The following KIF20B variants were observed in gnomAD, a reference collection of about 807,000 sequenced individuals.
KIF20B encodes kinesin family member 20B.
Under a neutral mutation model 232.5 loss-of-function variants are expected in KIF20B, and 188 were observed. That is an observed-to-expected ratio of 0.81 (90% CI 0.72 to 0.91). The LOEUF (loss-of-function observed/expected upper bound fraction) is 0.91, where lower values mean the gene tolerates loss of function less well. Ranked by LOEUF, KIF20B falls within the 40% of genes least tolerant of loss-of-function variation. The pLI, the probability that KIF20B is intolerant of heterozygous loss-of-function variation, is 0.00. For synonymous variants in KIF20B, 712 were observed against 683.0 expected (o/e 1.04, Z -0.66); for missense variants, 2,154 against 2,055.9 (o/e 1.05, Z -0.92).
At chr10:89,721,509 A>G (rs536311823) in intron 13 of KIF20B, among the ~76,000 whole-genome samples, 1 of 152,170 alleles carries the variant, frequency 6.6e-6, no homozygotes, top group Admixed American at 6.5e-5. Flanking sequence ...CCATCTCTAC[A>G]AAAAAGTAAA....
In KIF20B at chr10:89,716,843, G is replaced by A. The variant is rs189951244; in HGVS notation, c.1052+296G>A. Reference sequence around the variant, plus strand: ...GGTAATAATGGTGGCCTTTTCTCTGGGTCTTTCTCACTTATCCCCTGAATA... The same window carrying A: ...GGTAATAATGGTGGCCTTTTCTCTGAGTCTTTCTCACTTATCCCCTGAATA... On this transcript the variant is annotated intron_variant, in intron 9 of 32. Transcript: ENST00000371728. Among the ~76,000 whole-genome samples, 483 of 152,068 alleles carry A rather than the reference G, an allele frequency of 3.2e-3. 4 individuals carry two copies. Among genetic ancestry groups the A allele is most frequent in the African/African-American group, 0.011 (450 of 41,482 alleles).
chr10:89,711,210 G>T, intron 6 of KIF20B, 65 bp downstream of exon 6: 2 of 990,540 alleles, frequency 2.0e-6, no homozygotes, highest in East Asian at 5.4e-5. Context: ...CCTTTAGATT[G>T]TTTCACCATA....
At chr10:89,713,321 A>G (rs574108788) in intron 6 of KIF20B, among the ~76,000 whole-genome samples, 3 of 150,592 alleles carry the variant, frequency 2.0e-5, no homozygotes, top group Non-Finnish European at 4.4e-5. Context: ...AGATTGCGCC[A>G]CTACATTCCA....
Position 89,709,247 on chromosome 10 carries a change from G to C in KIF20B, c.228G>C (p.Glu76Asp). The C allele has an allele frequency of 6.2e-7, 1 of 1,607,092 alleles. No individual in the cohort carries two copies. The highest frequency in any genetic ancestry group is 8.5e-7 in the Non-Finnish European group (1 of 1,175,452). ...RPFTQSEKEL[E>D]SEGCVHILDS... ...TTACACAGTCAGAAAAAGAACTTGA[G>C]TCTGAGGTTTGTGTTGAATTTAATA... The change falls in exon 3 of 33, where the codon GAG becomes GAC. Residue 76 changes from glutamate (E) to aspartate (D), a missense_variant. Transcript: ENST00000371728.
intron 27 of KIF20B, 106 bp from the exon 28 acceptor site, chr10:89,760,420 T>C (rs540330262): frequency 1.5e-6 from 1 of 680,410 alleles, no homozygotes; most frequent in Non-Finnish European, 2.5e-6. Context: ...GTAATTTCCA[T>C]TGTTTAGTTT....
At chr10:89,712,916 A>G (rs991067197) in intron 6 of KIF20B, among the ~76,000 whole-genome samples, 1 of 152,150 alleles carries the variant, frequency 6.6e-6, no homozygotes, top group African/African-American at 2.4e-5. Flanking sequence ...CCAGGGTTTT[A>G]AGGCAGTAAA....
chr10:89,730,664 G>C (rs962941041), intron 18 of KIF20B, among the ~76,000 whole-genome samples: 2 of 152,164 alleles, frequency 1.3e-5, no homozygotes, highest in Non-Finnish European at 2.9e-5. Flanking sequence ...ATCTTTCAGT[G>C]AGTGCAGGAA....
At chr10:89,712,069 T>C (rs1842845655) in intron 6 of KIF20B, among the ~76,000 whole-genome samples, 1 of 152,058 alleles carries the variant, frequency 6.6e-6, no homozygotes, top group African/African-American at 2.4e-5. Context: ...TAGAATTTTT[T>C]CCTGTGAATT....
At chr10:89,745,774 C>T (rs1300857588) in intron 22 of KIF20B, 125 bp from the exon 23 acceptor site, 2 of 641,064 alleles carry the variant, frequency 3.1e-6, no homozygotes, top group East Asian at 2.8e-5. Flanking sequence ...CTGGTACCAG[C>T]TGGTATACCA....
At chr10:89,765,786 T>C (rs933020905) in intron 29 of KIF20B, among the ~76,000 whole-genome samples, 1 of 152,114 alleles carries the variant, frequency 6.6e-6, no homozygotes, top group African/African-American at 2.4e-5. Context: ...GATATGAAAT[T>C]TTGGGTTGAA....
At position 89,750,895 on chromosome 10, in the gene KIF20B, A is replaced by G. The variant is rs1052837642; in HGVS notation, c.4097-451A>G. On this transcript the variant is annotated intron_variant, in intron 23 of 32. Coordinates refer to ENST00000371728, the MANE Select transcript of KIF20B (RefSeq NM_001284259.2). ...GTAACTACTTGATGTTAAAAAAAAT[A>G]GTTCAAATTGGGATTGAGCTTTTTT... Among the ~76,000 whole-genome samples the G allele has an allele frequency of 2.0e-5, 3 of 152,290 alleles. No homozygotes were observed. The East Asian group carries it at 5.8e-4, about 29-fold the overall frequency.
At chr10:89,747,819 T>C (rs1351050355) in intron 23 of KIF20B, among the ~76,000 whole-genome samples, 3 of 152,084 alleles carry the variant, frequency 2.0e-5, no homozygotes, top group Non-Finnish European at 2.9e-5. Context: ...CGCACCAGCA[T>C]GTCACATGTA....
chr10:89,757,040 G>GTGTGTGTGTGTGTGTGTA (rs1301847520), intron 26 of KIF20B, among the ~76,000 whole-genome samples: 2 of 110,746 alleles, frequency 1.8e-5, no homozygotes, highest in African/African-American at 6.7e-5. Context: ...GTGTGTGTGT[G>GTGTGTGTGTGTGTGTGTA]TATATATATA....
At chr10:89,710,088 T>A (rs1441629007) in intron 5 of KIF20B, 23 bp downstream of exon 5, 2 of 1,588,920 alleles carry the variant, frequency 1.3e-6, no homozygotes, top group Non-Finnish European at 1.7e-6. Context: ...TTATTTTGGT[T>A]GGAAAGGATA....
Position 89,723,946 on chromosome 10 carries a change from A to G in KIF20B, c.1723-18A>G, listed in dbSNP as rs758764817. 2.7e-6 allele frequency: 4 copies of G among 1,481,782 alleles called. No individual in the cohort carries two copies. The highest frequency in any genetic ancestry group is 2.1e-4 in the Middle Eastern group (1 of 4,748). The allele number at this position is 1,481,782 out of a possible 1,614,324, so 91.8% of individuals were successfully genotyped here. On this transcript the variant is annotated intron_variant, in intron 13 of 32. Transcript: ENST00000371728. ...ATATTTATTCTTTTATAAGAATTTT[A>G]TCATTTACATGTAATAGAAACTGTT... is the stretch of plus-strand genomic sequence containing the variant.
At position 89,736,523 on chromosome 10, in the gene KIF20B, A is replaced by G. The variant is rs142556684; in HGVS notation, c.2546-864A>G. Among the ~76,000 whole-genome samples, 705 of 152,296 alleles carry G rather than the reference A, an allele frequency of 4.6e-3. 2 individuals are homozygous for G. Among genetic ancestry groups the G allele is most frequent in the African/African-American group, 0.016 (675 of 41,572 alleles). ...TGGCTAAAGTTCTTACATGTATACA[A>G]CATTTATGTAGTCATTTAACTTACA... On this transcript the variant is annotated intron_variant, in intron 19 of 32. Transcript: ENST00000371728.
At chr10:89,768,235 A>G in intron 29 of KIF20B, 55 bp from the exon 30 acceptor site, 1 of 1,149,088 alleles carries the variant, frequency 8.7e-7, no homozygotes, top group Non-Finnish European at 1.3e-6. Flanking sequence ...TTTTGAGTCT[A>G]GAGAAATAAA....
intron 28 of KIF20B, among the ~76,000 whole-genome samples, chr10:89,762,327 C>G (rs900101235): frequency 4.6e-5 from 7 of 152,164 alleles, no homozygotes; most frequent in Non-Finnish European, 1.0e-4. Context: ...AGATCTCAGC[C>G]TCCTCCCTTG....
chr10:89,716,455 A>G lies in KIF20B; in HGVS notation c.960A>G (p.Val320=), dbSNP rs1436438500. The change falls in exon 9 of 33, where the codon GTA becomes GTG. Residue 320 remains valine, a synonymous_variant. Coordinates refer to ENST00000371728, the MANE Select transcript of KIF20B (RefSeq NM_001284259.2). ...TTAAAGATCTACAATGGATTCAAGT[A>G]TCTGATTCCAAAGAAGCCTATAGAC... The part of the protein sequence containing the change: ...SFIKDLQWIQ[V]SDSKEAYRLL... The G allele has an allele frequency of 6.5e-6, 10 of 1,527,706 alleles. No individual in the cohort carries two copies. The highest frequency in any genetic ancestry group is 7.2e-6 in the Non-Finnish European group (8 of 1,117,462). 94.6% of individuals were successfully genotyped at this position (1,527,706 alleles called of 1,614,324 possible).
Sources: allele counts gnomAD v4.1 joint callset (sites outside exome capture counted in the v4.1 genomes callset), GRCh38; gene constraint gnomAD v4.1.1; transcripts MANE v1.5; gene names NCBI Gene and HGNC (gene_info 2026-07-23, HGNC 2026-07-21).